Variants in CYLD observed in about 807,000 individuals in gnomAD.
CYLD encodes ubiquitin carboxyl-terminal hydrolase CYLD.
CYLD carries 26 observed loss-of-function variants against 104.5 expected under a neutral mutation model. That is an observed-to-expected ratio of 0.25 (90% CI 0.18 to 0.35). CYLD has a LOEUF of 0.35. CYLD is among the 10% of genes least tolerant of loss of function. CYLD has a pLI of 1.00. For synonymous variants in CYLD, 385 were observed against 399.9 expected (o/e 0.96, Z 0.45); for missense variants, 703 against 1,136.1 (o/e 0.62, Z 5.48).
intron 9 of CYLD, among the ~76,000 whole-genome samples, chr16:50,780,462 A>C (rs147155844): frequency 1.3e-5 from 2 of 152,274 alleles, no homozygotes; most frequent in Admixed American, 6.5e-5. Context: ...TTTTCCCTTT[A>C]GAGATCAGGA....
chr16:50,791,372 T>C (rs1278455228), intron 14 of CYLD, among the ~76,000 whole-genome samples, 186 bp from the exon 15 acceptor site: 1 of 152,276 alleles, frequency 6.6e-6, no homozygotes, highest in Non-Finnish European at 1.5e-5. Flanking sequence ...TTATAAGGTC[T>C]TGTGCCTGAG....
chr16:50,798,175 G>T lies in CYLD; in HGVS notation c.*1667G>T, dbSNP rs750022206. The T allele has an allele frequency of 3.4e-5, 8 of 231,928 alleles. No individual in the cohort carries two copies. The highest frequency in any genetic ancestry group is 6.8e-5 in the Non-Finnish European group (8 of 117,256). 14.4% of individuals were successfully genotyped at this position (231,928 alleles called of 1,614,324 possible). On this transcript the variant is annotated 3_prime_UTR_variant, in exon 19 of 19. Coordinates refer to ENST00000427738, the MANE Select transcript of CYLD (RefSeq NM_001378743.1). Reference sequence around the variant, plus strand: ...TAAATATGTGTTGAATGAAGAAATGGGTGAATGAGCTTGTCAATGTGATTT... The same window carrying T: ...TAAATATGTGTTGAATGAAGAAATGTGTGAATGAGCTTGTCAATGTGATTT...
intron 2 of CYLD, 138 bp from the exon 3 acceptor site, chr16:50,749,438 T>G (rs1280143679): frequency 7.3e-6 from 4 of 550,670 alleles, no homozygotes; most frequent in African/African-American, 5.7e-5. Context: ...TTTGAAAATA[T>G]TTCATTTGTG....
At chr16:50,770,784 T>C (rs1454485246) in intron 5 of CYLD, among the ~76,000 whole-genome samples, 1 of 152,176 alleles carries the variant, frequency 6.6e-6, no homozygotes, top group African/African-American at 2.4e-5. Flanking sequence ...GGTGTCCTCA[T>C]CTCTTTTGCC....
Position 50,794,286 on chromosome 16 carries a change from C to T in CYLD, c.2544C>T (p.Asp848=). The T allele has an allele frequency of 6.2e-7, 1 of 1,614,172 alleles. No individual in the cohort carries two copies. The highest frequency in any genetic ancestry group is 8.5e-7 in the Non-Finnish European group (1 of 1,180,018). ...VSLPKDLPDW[D]WRHGCIPCQN... ...TTCCCAAAGACTTACCCGACTGGGA[C>T]TGGAGACACGGCTGCATCCCTTGCC... is the stretch of plus-strand genomic sequence containing the variant. Residue 848 remains aspartate, a synonymous_variant, in exon 18 of 19, where the codon GAC becomes GAT. Coordinates refer to ENST00000427738, the MANE Select transcript of CYLD (RefSeq NM_001378743.1). The surrounding 1 kb of genome is among the most constrained non-coding windows in gnomAD (Gnocchi z 4.1).
chr16:50,755,485 T>C (rs1415455464), intron 5 of CYLD, among the ~76,000 whole-genome samples: 2 of 152,172 alleles, frequency 1.3e-5, no homozygotes, highest in African/African-American at 2.4e-5. Context: ...CTAGTTTATA[T>C]TTCCACCAAC....
At chr16:50,760,518 CCCCTT>C (rs1645579009) in intron 5 of CYLD, among the ~76,000 whole-genome samples, 1 of 151,928 alleles carries the variant, frequency 6.6e-6, no homozygotes, top group Admixed American at 6.6e-5. Context: ...ATTCTTATTC[CCCCTT>C]CCCTTTTAAT....
intron 5 of CYLD, among the ~76,000 whole-genome samples, chr16:50,769,922 T>C (rs1968961897): frequency 6.6e-6 from 1 of 152,248 alleles, no homozygotes; most frequent in Non-Finnish European, 1.5e-5. Context: ...TGAGACTGGC[T>C]CTTTTTTCAC....
rs983593351 is a variant in CYLD, at chr16:50,796,588, C to A, written c.*80C>A. 3.5e-6 allele frequency: 5 copies of A among 1,411,334 alleles called. No homozygotes were observed. In the South Asian group the frequency reaches 5.8e-5, roughly 16 times the overall value. The allele number at this position is 1,411,334 out of a possible 1,614,324, so 87.4% of individuals were successfully genotyped here. On this transcript the variant is annotated 3_prime_UTR_variant, in exon 19 of 19. Transcript: ENST00000427738. ...TTATTCGAGCTGGCAGTTCTGTTCA[C>A]GTCCATTGCCGGCAATGGATGTCTT...
At chr16:50,754,909 A>ATATGTATACATATACACACT (rs1966859127) in intron 5 of CYLD, among the ~76,000 whole-genome samples, 1 of 149,150 alleles carries the variant, frequency 6.7e-6, no homozygotes, top group Admixed American at 6.7e-5. Context: ...ATATACACAC[A>ATATGTATACATATACACACT]TATATGTATA....
chr16:50,748,340 G>A lies in CYLD; in HGVS notation c.-123-1236G>A, dbSNP rs576524318. 2.6e-5 allele frequency among the ~76,000 whole-genome samples: 4 copies of A among 152,220 alleles called. No individual in the cohort carries two copies. The South Asian group carries it at 6.2e-4, about 24-fold the overall frequency. Reference sequence around the variant, plus strand: ...AGTTTTTTAACCATCAGTTAAAATAGGTTTGAGAATGAGCCTACTTCATTG... The same window carrying A: ...AGTTTTTTAACCATCAGTTAAAATAAGTTTGAGAATGAGCCTACTTCATTG... On this transcript the variant is annotated intron_variant, in intron 2 of 18. Coordinates refer to ENST00000427738, the MANE Select transcript of CYLD (RefSeq NM_001378743.1).
Position 50,773,020 on chromosome 16 carries a change from T to C in CYLD, c.914-2146T>C, listed in dbSNP as rs181246784. 7.0e-4 allele frequency among the ~76,000 whole-genome samples: 107 copies of C among 152,366 alleles called. 1 individual carries two copies. The highest frequency in any genetic ancestry group is 1.2e-3 in the Non-Finnish European group (82 of 68,024). The stretch of plus-strand genomic sequence containing the variant: ...TAGAGATTTTTGAATAGTTGCTATG[T>C]AGGATATTTCTGGCATCGGGTTTAA... On this transcript the variant is annotated intron_variant, in intron 5 of 18. Coordinates refer to ENST00000427738, the MANE Select transcript of CYLD (RefSeq NM_001378743.1).
intron 15 of CYLD, 145 bp downstream of exon 15, chr16:50,791,835 C>G (rs1349338740): frequency 1.1e-6 from 1 of 937,910 alleles, no homozygotes; most frequent in East Asian, 2.5e-5. Context: ...AAAAAGTATG[C>G]AGTGTTTCAA....
chr16:50,745,046 A>G (rs1355768987), intron 2 of CYLD, among the ~76,000 whole-genome samples: 5 of 152,212 alleles, frequency 3.3e-5, no homozygotes, highest in Non-Finnish European at 7.3e-5. Flanking sequence ...GGTAATTTTC[A>G]TTCAGTATTT....
chr16:50,775,311 G>C (rs1384679059), intron 6 of CYLD, 137 bp downstream of exon 6: 6 of 571,980 alleles, frequency 1.0e-5, no homozygotes, highest in Non-Finnish European at 1.8e-5. Context: ...TGGGCTTTAA[G>C]GTCTAGAGTG....
rs1294537067 is a variant in CYLD at position 50,798,272 on chromosome 16, C to T, written c.*1764C>T. 1 of 232,118 alleles carries T rather than the reference C, an allele frequency of 4.3e-6. No homozygotes were observed. Among genetic ancestry groups the T allele is most frequent in the African/African-American group, 2.2e-5 (1 of 45,250 alleles). The allele number at this position is 232,118 out of a possible 1,614,324, so 14.4% of individuals were successfully genotyped here. ...CAGCCCTCGGTATCTGCAGGTTTCT[C>T]ATCCATGGATTCAACCAACTGCAAA... On this transcript the variant is annotated 3_prime_UTR_variant, in exon 19 of 19. Transcript: ENST00000427738.
At chr16:50,793,920 A>ATTTTTTTTT (rs34233862) in intron 17 of CYLD, among the ~76,000 whole-genome samples, 1 of 131,084 alleles carries the variant, frequency 7.6e-6, no homozygotes, top group African/African-American at 2.9e-5. Context: ...CATTAATGAC[A>ATTTTTTTTT]TTTTTTTTTT....
intron 5 of CYLD, among the ~76,000 whole-genome samples, chr16:50,766,721 T>C (rs955665777): frequency 3.9e-5 from 6 of 152,096 alleles, no homozygotes; most frequent in Non-Finnish European, 8.8e-5. Context: ...ATGGATGACT[T>C]TGAGGGACTG....
At chr16:50,748,085 T>C (rs1415882582) in intron 2 of CYLD, among the ~76,000 whole-genome samples, 1 of 152,228 alleles carries the variant, frequency 6.6e-6, no homozygotes, top group Non-Finnish European at 1.5e-5. Context: ...GGAGTATTTA[T>C]TTTTTAATTG....
Sources: gnomAD v4.1 joint callset for allele counts (sites outside exome capture counted in the v4.1 genomes callset) on GRCh38, gnomAD v4.1.1 for gene constraint, Gnocchi (gnomAD v3.1) non-coding constraint, MANE v1.5 for transcripts, NCBI Gene and HGNC (gene_info 2026-07-23, HGNC 2026-07-21) for gene names.